CPLX1: variants seen among roughly 807,000 people sequenced by gnomAD.
CPLX1 encodes complexin-1.
CPLX1 carries 6 observed loss-of-function variants against 15.6 expected under a neutral mutation model. The ratio of observed to expected loss-of-function variants is 0.39; its 90% CI spans 0.21 to 0.76. The LOEUF is 0.76. Among genes scored for constraint, CPLX1 ranks in the 30% least tolerant of loss-of-function variants. CPLX1 has a pLI of 0.43. For missense variants in CPLX1, 242 were observed against 188.6 expected (o/e 1.28, Z -1.66); for synonymous variants, 91 against 75.2 (o/e 1.21, Z -1.08).
rs1006868451 is a variant in CPLX1 at position 785,947 on chromosome 4, G to A, written c.*554C>T. 9 of 152,616 alleles carry A rather than the reference G, an allele frequency of 5.9e-5. No homozygotes were observed. The highest frequency in any genetic ancestry group is 1.9e-4 in the African/African-American group (8 of 41,564). The allele number at this position is 152,616 out of a possible 1,614,324, so 9.5% of individuals were successfully genotyped here. A position where few individuals can be genotyped will look rare whatever the true frequency, so the allele number is the denominator to read the frequency against. On this transcript the variant is annotated 3_prime_UTR_variant, in exon 4 of 4. Transcript: ENST00000304062. ...AAGCAAAACCTTCCAGAGAGGAGAG[G>A]AAAGGACGCGGACAGAGACGGATGG...
chr4:818,081 C>T (rs1468550470), intron 2 of CPLX1, among the ~76,000 whole-genome samples: 4 of 152,228 alleles, frequency 2.6e-5, no homozygotes, highest in Non-Finnish European at 4.4e-5. Context: ...TGGCTTTTGG[C>T]TCCTGTTCTT....
Position 804,760 on chromosome 4 carries a change from CG to C in CPLX1, c.32-12153del, listed in dbSNP as rs1007141918. 42 of 985,398 alleles carry C rather than the reference CG, an allele frequency of 4.3e-5. No individual in the cohort carries two copies. The African/African-American group carries it at 6.6e-4, about 16-fold the overall frequency. The allele number at this position is 985,398 out of a possible 1,614,324, so 61.0% of individuals were successfully genotyped here. ...CACAAAGAAGTGAAAACGCACCTTG[CG>C]GGGGCTCGGGAAGTGCCTGCAGAGT... On this transcript the variant is annotated intron_variant, in intron 2 of 3. Transcript: ENST00000304062.
intron 2 of CPLX1, among the ~76,000 whole-genome samples, chr4:793,021 G>C (rs532990375): frequency 3.7e-4 from 56 of 152,340 alleles, no homozygotes; most frequent in African/African-American, 1.3e-3. Context: ...TGCATGCCTG[G>C]CTGTGTGGTT....
chr4:813,080 C>G (rs1028844351), intron 2 of CPLX1, among the ~76,000 whole-genome samples: 1 of 151,942 alleles, frequency 6.6e-6, no homozygotes, highest in African/African-American at 2.4e-5. Flanking sequence ...GCCTGGCCAA[C>G]ATGGTGAAAC....
chr4:797,844 G>C (rs977086611), intron 2 of CPLX1, among the ~76,000 whole-genome samples: 45 of 151,956 alleles, frequency 3.0e-4, no homozygotes, highest in African/African-American at 1.1e-3. Flanking sequence ...GAGGCAGAAT[G>C]GTGTGAACCC....
chr4:797,729 C>G (rs935763349), intron 2 of CPLX1, among the ~76,000 whole-genome samples: 1 of 150,898 alleles, frequency 6.6e-6, no homozygotes, highest in Non-Finnish European at 1.5e-5. Context: ...GTCAGGAGAT[C>G]GAGACCATCC....
chr4:787,959 C>T, intron 3 of CPLX1: 20 of 985,392 alleles, frequency 2.0e-5, no homozygotes, highest in Non-Finnish European at 2.3e-5. Context: ...GACCCCCGGG[C>T]CAGGTCCAAG....
At chr4:791,907 G>A (rs1746187420) in intron 3 of CPLX1, among the ~76,000 whole-genome samples, 1 of 152,238 alleles carries the variant, frequency 6.6e-6, no homozygotes, top group African/African-American at 2.4e-5. Context: ...GGAAGCCGGA[G>A]CGGCTGTCGG....
intron 2 of CPLX1, among the ~76,000 whole-genome samples, chr4:822,328 C>T (rs1020898034): frequency 2.0e-5 from 3 of 151,270 alleles, no homozygotes; most frequent in African/African-American, 7.3e-5. Context: ...TCCCTCTGCT[C>T]CCATCTCTCC....
At chr4:790,136 G>A (rs780605873) in intron 3 of CPLX1, among the ~76,000 whole-genome samples, 5 of 152,216 alleles carry the variant, frequency 3.3e-5, no homozygotes, top group Non-Finnish European at 7.3e-5. Context: ...TGTGGAGGAG[G>A]ACTCTGTGGG....
intron 2 of CPLX1, among the ~76,000 whole-genome samples, chr4:800,752 T>TAC (rs1250414914): frequency 7.3e-6 from 1 of 136,302 alleles, no homozygotes; most frequent in Non-Finnish European, 1.6e-5. Context: ...TATATATATA[T>TAC]ATACACACAC....
intron 3 of CPLX1, chr4:788,337 G>C: frequency 1.0e-6 from 1 of 985,414 alleles, no homozygotes; most frequent in East Asian, 1.1e-4. Flanking sequence ...GGTGGCTCTG[G>C]GTGTGGGGGG....
intron 3 of CPLX1, among the ~76,000 whole-genome samples, chr4:791,176 GGCGGGGGGCGGGGA>G (rs1227578827): frequency 6.6e-4 from 100 of 150,388 alleles, no homozygotes; most frequent in African/African-American, 2.2e-3. Context: ...TCAGCTGCGG[GGCGGGGGGCGGGGA>G]GCGGGGGGCG....
At chr4:814,219 A>G (rs1293841751) in intron 2 of CPLX1, among the ~76,000 whole-genome samples, 1 of 147,122 alleles carries the variant, frequency 6.8e-6, no homozygotes, top group Non-Finnish European at 1.5e-5. Context: ...ACTCTGCCTG[A>G]TTTTTTTTTT....
chr4:800,754 T>C (rs11730181), intron 2 of CPLX1, among the ~76,000 whole-genome samples: 31,532 of 129,546 alleles, frequency 0.24, 4,436 homozygotes, highest in Middle Eastern at 0.38. Flanking sequence ...TATATATATA[T>C]ACACACACAT....
At chr4:789,512 G>A (rs1202738481) in intron 3 of CPLX1, among the ~76,000 whole-genome samples, 5 of 152,222 alleles carry the variant, frequency 3.3e-5, no homozygotes, top group African/African-American at 7.2e-5. Flanking sequence ...AGCTGCGGGG[G>A]GTAGGGGGAT....
chr4:817,361 C>T (rs1347631264), intron 2 of CPLX1, among the ~76,000 whole-genome samples: 1 of 151,010 alleles, frequency 6.6e-6, no homozygotes, highest in African/African-American at 2.4e-5. Flanking sequence ...CGAGACCAGC[C>T]TGGGCAACAC....
intron 2 of CPLX1, chr4:804,661 T>C (rs1746520224): frequency 1.0e-5 from 9 of 892,234 alleles, no homozygotes; most frequent in Non-Finnish European, 1.2e-5. Flanking sequence ...AACGCTTTTG[T>C]TCTTTTTGGG....
At chr4:787,102 G>A (rs1665955257) in intron 3 of CPLX1, 1 of 985,296 alleles carries the variant, frequency 1.0e-6, no homozygotes, top group Non-Finnish European at 1.2e-6. Context: ...TCAACCCGCA[G>A]CTGACCCTCC....
Sources: gnomAD v4.1 joint callset for allele counts (sites outside exome capture counted in the v4.1 genomes callset) on GRCh38, gnomAD v4.1.1 for gene constraint, MANE v1.5 for transcripts, NCBI Gene and HGNC (gene_info 2026-07-23, HGNC 2026-07-21) for gene names.